The following C8A variants were observed in gnomAD, a reference collection of about 807,000 sequenced individuals.
C8A encodes the protein complement C8 alpha chain.
In C8A, 67 loss-of-function variants were observed where a neutral mutation model predicts 65.3. The ratio of observed to expected loss-of-function variants is 1.03; its 90% CI spans 0.84 to 1.26. C8A has a LOEUF of 1.26. C8A is among the 50% of genes most tolerant of loss of function. The probability of loss-of-function intolerance (pLI) is 0.00; values close to 1 mark genes in which losing one functional copy is unlikely to be tolerated. For synonymous variants in C8A, 290 were observed against 259.4 expected (o/e 1.12, Z -1.13); for missense variants, 781 against 723.9 (o/e 1.08, Z -0.90).
At chr1:56,875,533 T>A (rs1416151775) in intron 3 of C8A, among the ~76,000 whole-genome samples, 1 of 152,122 alleles carries the variant, frequency 6.6e-6, no homozygotes, top group Non-Finnish European at 1.5e-5. Flanking sequence ...AGCAGGAGGT[T>A]CCCAAATCTG....
At chr1:56,873,753 C>T (rs1288519033) in intron 2 of C8A, among the ~76,000 whole-genome samples, 2 of 152,134 alleles carry the variant, frequency 1.3e-5, no homozygotes, top group Non-Finnish European at 2.9e-5. Context: ...AAATACAGGG[C>T]TGCACGTTTC....
chr1:56,918,209 CTTGAG>C lies in C8A; in HGVS notation c.*496_*500del, dbSNP rs890570399. 1 of 156,002 alleles carries C rather than the reference CTTGAG, an allele frequency of 6.4e-6. No individual in the cohort carries two copies. The highest frequency in any genetic ancestry group is 1.4e-5 in the Non-Finnish European group (1 of 70,648). 9.7% of individuals were successfully genotyped at this position (156,002 alleles called of 1,614,324 possible). The stretch of plus-strand genomic sequence containing the variant: ...CAATGAGAAAAATACTAAAAATTGA[CTTGAG>C]TTATTTCAATTTGCCTTCATTTGAA... On this transcript the variant is annotated 3_prime_UTR_variant, in exon 11 of 11. Transcript: ENST00000361249.
At chr1:56,886,308 A>C (rs1644300070) in intron 7 of C8A, 141 bp downstream of exon 7, 2 of 977,462 alleles carry the variant, frequency 2.0e-6, no homozygotes, top group Non-Finnish European at 1.6e-6. Context: ...CATAAGTATT[A>C]TTACTCCCAA....
chr1:56,911,218 G>T (rs1644503232), intron 9 of C8A, among the ~76,000 whole-genome samples: 1 of 152,044 alleles, frequency 6.6e-6, no homozygotes, highest in Non-Finnish European at 1.5e-5. Context: ...CCATTTTCTA[G>T]ATAATGAGGA....
rs549390313 is a variant in C8A, at chr1:56,904,733, T to C, written c.1097-1934T>C. ...GTATGAGCTAAGTGTCTAAGAGTGC[T>C]TGGGCTCTCAGGTTCTATGATTCTT... is the stretch of plus-strand genomic sequence containing the variant. On this transcript the variant is annotated intron_variant, in intron 7 of 10. Transcript: ENST00000361249. 3.9e-4 allele frequency among the ~76,000 whole-genome samples: 59 copies of C among 152,320 alleles called. No homozygotes were observed. The South Asian group carries it at 7.7e-3, about 20-fold the overall frequency.
At position 56,885,424 on chromosome 1, in the gene C8A, T is replaced by TTCCG. The variant is rs1553175635; in HGVS notation, c.856-502_856-501insCCGT. 2.3e-4 allele frequency among the ~76,000 whole-genome samples: 21 copies of TTCCG among 90,040 alleles called. 1 individual carries two copies. The highest frequency in any genetic ancestry group is 4.9e-3 in the Middle Eastern group (1 of 206). The allele number at this position is 90,040 out of a possible 152,430, so 59.1% of individuals were successfully genotyped here. A position where few individuals can be genotyped will look rare whatever the true frequency, so the allele number is the denominator to read the frequency against. ...AATATATATTTATTTAAATATATATTTAAATATATATTTAAGTAAATATAT... is the reference window on the plus strand; with the variant it reads ...AATATATATTTATTTAAATATATATTTCCGTAAATATATATTTAAGTAAATATAT... On this transcript the variant is annotated intron_variant, in intron 6 of 10. Coordinates refer to ENST00000361249, the MANE Select transcript of C8A (RefSeq NM_000562.3).
rs1213718769 is a variant in C8A, at chr1:56,867,664, TCA to T, written c.134_135del (p.Ser45Ter). 6.2e-7 allele frequency: 1 copy of T among 1,613,804 alleles called. No individual in the cohort carries two copies. The highest frequency in any genetic ancestry group is 8.5e-7 in the Non-Finnish European group (1 of 1,179,912). On this transcript the variant is annotated frameshift_variant, in exon 2 of 11. Coordinates refer to ENST00000361249, the MANE Select transcript of C8A (RefSeq NM_000562.3). LOFTEE classifies it high-confidence loss of function. ...AAVTCQLSNW[S>X]EWTDCFPCQD... Reference sequence around the variant, plus strand: ...AGTTACCTGCCAGCTGAGCAACTGGTCAGAGTGGACAGATTGCTTTCCGTGCC... The same window carrying T: ...AGTTACCTGCCAGCTGAGCAACTGGTGAGTGGACAGATTGCTTTCCGTGCC...
chr1:56,897,442 G>A (rs1374758457), intron 7 of C8A, among the ~76,000 whole-genome samples: 1 of 152,196 alleles, frequency 6.6e-6, no homozygotes, highest in African/African-American at 2.4e-5. Context: ...AGACTGCTGA[G>A]TTGAAGATTG....
intron 7 of C8A, among the ~76,000 whole-genome samples, chr1:56,903,327 C>A (rs1050943367): frequency 6.6e-6 from 1 of 151,998 alleles, no homozygotes; most frequent in African/African-American, 2.4e-5. Flanking sequence ...AAGGGGGTTT[C>A]CCCCTTTGCT....
chr1:56,868,610 C>G (rs369240917), intron 2 of C8A, among the ~76,000 whole-genome samples: 23 of 151,948 alleles, frequency 1.5e-4, no homozygotes, highest in African/African-American at 5.1e-4. Flanking sequence ...AGAGCCAGAC[C>G]CTGTCTCATA....
chr1:56,876,056 C>T lies in C8A; in HGVS notation c.317-6C>T, dbSNP rs1644195367. The T allele has an allele frequency of 1.9e-6, 3 of 1,613,138 alleles. No homozygotes were observed. Among genetic ancestry groups the T allele is most frequent in the African/African-American group, 2.7e-5 (2 of 74,892 alleles). On this transcript the variant is annotated splice_region_variant and splice_polypyrimidine_tract_variant and intron_variant, in intron 3 of 10. Coordinates refer to ENST00000361249, the MANE Select transcript of C8A (RefSeq NM_000562.3). ...CCGAGGAGCAGCCACAGTCTCTTCT[C>T]TCCAGGTCGCTGCCTGAAACGCCAC...
At chr1:56,874,866 T>G (rs895824706) in intron 2 of C8A, 83 bp from the exon 3 acceptor site, 3 of 1,491,908 alleles carry the variant, frequency 2.0e-6, no homozygotes, top group African/African-American at 2.8e-5. Context: ...ATTTCTTATG[T>G]TGAGCCGAAA....
chr1:56,878,516 A>G (rs1478089438), intron 4 of C8A, among the ~76,000 whole-genome samples: 1 of 152,156 alleles, frequency 6.6e-6, no homozygotes, highest in Non-Finnish European at 1.5e-5. Flanking sequence ...CTTCACCCAC[A>G]CTGAATACTG....
Position 56,906,887 on chromosome 1 carries a change from T to A in C8A, c.1222+95T>A, listed in dbSNP as rs1418343708. The A allele has an allele frequency of 1.3e-5, 19 of 1,468,352 alleles. No homozygotes were observed. In the South Asian group the frequency reaches 1.7e-4, roughly 13 times the overall value. 91.0% of individuals were successfully genotyped at this position (1,468,352 alleles called of 1,614,324 possible). ...GAAGCTATTTTTTTTCCCAGTTGAT[T>A]GCATTTTAGTCAATGATCAGACTGC... On this transcript the variant is annotated intron_variant, in intron 8 of 10. Transcript: ENST00000361249.
At chr1:56,883,388 A>T in intron 5 of C8A, 93 bp from the exon 6 acceptor site, 2 of 1,116,430 alleles carry the variant, frequency 1.8e-6, no homozygotes, top group Non-Finnish European at 2.7e-6. Flanking sequence ...CTAAAATTTT[A>T]GATATTTTAC....
At position 56,896,777 on chromosome 1, in the gene C8A, G is replaced by A. The variant is rs554083212; in HGVS notation, c.1097-9890G>A. Among the ~76,000 whole-genome samples, 17 of 152,300 alleles carry A rather than the reference G, an allele frequency of 1.1e-4. No homozygotes were observed. The South Asian group carries it at 3.5e-3, about 32-fold the overall frequency. ...CAATAACAACTGTGGAGCTAGGTCT[G>A]GAAAGTCTCATGTAATCAAGTGCTT... On this transcript the variant is annotated intron_variant, in intron 7 of 10. Coordinates refer to ENST00000361249, the MANE Select transcript of C8A (RefSeq NM_000562.3).
Position 56,855,108 on chromosome 1 carries a change from C to T in C8A, c.77+130C>T, listed in dbSNP as rs1227856311. ...AACCTCTTTTCATGTTATTACTACT[C>T]CTGTGGAGGAGGATGGGACAGTGAA... On this transcript the variant is annotated intron_variant, in intron 1 of 10. Coordinates refer to ENST00000361249, the MANE Select transcript of C8A (RefSeq NM_000562.3). The T allele has an allele frequency of 9.1e-6, 7 of 771,446 alleles. No individual in the cohort carries two copies. The East Asian group carries it at 1.9e-4, about 21-fold the overall frequency. 47.8% of individuals were successfully genotyped at this position (771,446 alleles called of 1,614,324 possible).
chr1:56,910,333 T>G (rs1366268209), intron 9 of C8A, among the ~76,000 whole-genome samples: 2 of 152,208 alleles, frequency 1.3e-5, no homozygotes, highest in Non-Finnish European at 2.9e-5. Context: ...TGAGTCTTTT[T>G]TCTCATCTGC....
intron 2 of C8A, among the ~76,000 whole-genome samples, chr1:56,871,353 A>G (rs1233760903): frequency 6.6e-6 from 1 of 152,216 alleles, no homozygotes; most frequent in Non-Finnish European, 1.5e-5. Context: ...CTCCCGCTGA[A>G]CCATCCAGGA....
Sources: gnomAD v4.1 joint callset for allele counts (sites outside exome capture counted in the v4.1 genomes callset) on GRCh38, gnomAD v4.1.1 for gene constraint, MANE v1.5 for transcripts, NCBI Gene and HGNC (gene_info 2026-07-23, HGNC 2026-07-21) for gene names.